Variants in MACROD2 observed in about 807,000 individuals in gnomAD.
MACROD2 encodes mono-ADP ribosylhydrolase 2, also known as ADP-ribose glycohydrolase MACROD2.
Under a neutral mutation model 70.4 loss-of-function variants are expected in MACROD2, and 36 were observed. That is an observed-to-expected ratio of 0.51 (90% CI 0.39 to 0.68). The LOEUF is 0.68. Among genes scored for constraint, MACROD2 ranks in the 30% least tolerant of loss-of-function variants. MACROD2 has a pLI of 0.00. For missense variants in MACROD2, 496 were observed against 538.4 expected (o/e 0.92, Z 0.78); for synonymous variants, 172 against 178.8 (o/e 0.96, Z 0.30).
chr20:14,687,249 C>T (rs1307546504), intron 5 of MACROD2, among the ~76,000 whole-genome samples: 1 of 152,126 alleles, frequency 6.6e-6, no homozygotes, highest in Non-Finnish European at 1.5e-5. Context: ...TATTAAAATA[C>T]AAATCAAATT....
chr20:15,933,358 G>T lies in MACROD2; in HGVS notation c.838+20G>T. On this transcript the variant is annotated intron_variant, in intron 11 of 17. Transcript: ENST00000684519. ...ATGCAGGTAGGCTCAGATTTCTTTT[G>T]AGAAGTCACCTAGGCCTCATCTGCA... 1.2e-6 allele frequency: 2 copies of T among 1,611,210 alleles called. No individual in the cohort carries two copies. Among genetic ancestry groups the T allele is most frequent in the South Asian group, 2.2e-5 (2 of 90,914 alleles).
intron 3 of MACROD2, among the ~76,000 whole-genome samples, chr20:14,178,641 C>T (rs2081282943): frequency 6.6e-6 from 1 of 151,526 alleles, no homozygotes; most frequent in Non-Finnish European, 1.5e-5. Flanking sequence ...GGAAGGCATA[C>T]CTTTTTTGTA....
At chr20:14,426,699 A>G (rs2122914194) in intron 3 of MACROD2, among the ~76,000 whole-genome samples, 2 of 152,278 alleles carry the variant, frequency 1.3e-5, no homozygotes, top group Admixed American at 1.3e-4. Flanking sequence ...CAGATCAGAT[A>G]TCCCAGAGAA....
chr20:14,640,573 G>A (rs1985033998), intron 4 of MACROD2, among the ~76,000 whole-genome samples: 1 of 152,172 alleles, frequency 6.6e-6, no homozygotes, highest in African/African-American at 2.4e-5. Flanking sequence ...ATCTTCATCA[G>A]CCCTTCAATC....
intron 7 of MACROD2, 135 bp downstream of exon 7, chr20:15,431,570 C>T: frequency 1.3e-6 from 1 of 767,576 alleles, no homozygotes; most frequent in Non-Finnish European, 2.2e-6. Flanking sequence ...CTCGTCAAAT[C>T]CCATTAAAGA....
At chr20:15,320,220 A>G (rs773225054) in intron 6 of MACROD2, among the ~76,000 whole-genome samples, 2 of 152,146 alleles carry the variant, frequency 1.3e-5, no homozygotes, top group African/African-American at 2.4e-5. Flanking sequence ...ACAAAACAAA[A>G]CAAAAAACAT....
intron 5 of MACROD2, among the ~76,000 whole-genome samples, chr20:15,077,776 G>A (rs1024409484): frequency 3.3e-5 from 5 of 152,170 alleles, no homozygotes; most frequent in Admixed American, 6.5e-5. Flanking sequence ...CAGCTGACTC[G>A]TCTGTCTTTT....
rs867542227 is a variant in MACROD2 at position 15,989,064 on chromosome 20, A to G, written c.1153+1906A>G. On this transcript the variant is annotated intron_variant, in intron 15 of 17. Transcript: ENST00000684519. ...GATGATGATGGCAAAAGTACCTGTC[A>G]CATATAGTTATGGTGCAAATTTAAT... 2.6e-5 allele frequency among the ~76,000 whole-genome samples: 4 copies of G among 152,306 alleles called. No homozygotes were observed. The South Asian group carries it at 8.3e-4, about 32-fold the overall frequency.
intron 8 of MACROD2, among the ~76,000 whole-genome samples, chr20:15,680,982 C>G (rs1313944582): frequency 6.6e-6 from 1 of 152,200 alleles, no homozygotes; most frequent in African/African-American, 2.4e-5. Flanking sequence ...GTACATTCTG[C>G]TGTCCATTTT....
At chr20:14,590,556 T>G (rs2123375268) in intron 4 of MACROD2, among the ~76,000 whole-genome samples, 1 of 152,258 alleles carries the variant, frequency 6.6e-6, no homozygotes, top group Non-Finnish European at 1.5e-5. Flanking sequence ...AAATCCAGAT[T>G]TATCCATTTT....
At chr20:15,013,029 G>A (rs1469281786) in intron 5 of MACROD2, among the ~76,000 whole-genome samples, 1 of 152,168 alleles carries the variant, frequency 6.6e-6, no homozygotes. Flanking sequence ...AGCAAGAGAA[G>A]AAAAAGTATG....
chr20:14,591,175 T>C (rs908796015), intron 4 of MACROD2, among the ~76,000 whole-genome samples: 2 of 152,150 alleles, frequency 1.3e-5, no homozygotes, highest in African/African-American at 4.8e-5. Context: ...AGAGGAAAAT[T>C]TTTTGGGCTA....
intron 3 of MACROD2, among the ~76,000 whole-genome samples, chr20:14,388,913 T>C (rs2083495980): frequency 6.6e-6 from 1 of 152,100 alleles, no homozygotes; most frequent in Non-Finnish European, 1.5e-5. Flanking sequence ...AGTCTCATTC[T>C]ATTGCCCAGG....
At chr20:15,936,671 G>GTGTATATATATATATATATA (rs1555797416) in intron 11 of MACROD2, among the ~76,000 whole-genome samples, 30 of 143,294 alleles carry the variant, frequency 2.1e-4, no homozygotes, top group African/African-American at 7.3e-4. Context: ...GTATATGTGT[G>GTGTATATATATATATATATA]TATATATATA....
chr20:14,436,329 A>G (rs78587702), intron 3 of MACROD2, among the ~76,000 whole-genome samples: 1,797 of 152,328 alleles, frequency 0.012, 31 homozygotes, highest in African/African-American at 0.041. Context: ...ATTAAAATAA[A>G]TATAAACAAT....
chr20:15,753,877 TAATA>T (rs1053131778), intron 8 of MACROD2, among the ~76,000 whole-genome samples: 34 of 152,180 alleles, frequency 2.2e-4, no homozygotes, highest in African/African-American at 8.2e-4. Flanking sequence ...AAGGAATTTG[TAATA>T]AATAAACACT....
At chr20:14,521,294 G>T (rs950613151) in intron 4 of MACROD2, among the ~76,000 whole-genome samples, 8 of 151,996 alleles carry the variant, frequency 5.3e-5, no homozygotes, top group South Asian at 2.1e-4. Flanking sequence ...TTCCCCTTAG[G>T]TTGCTTATCA....
At chr20:14,729,954 TA>T (rs904068388) in intron 5 of MACROD2, among the ~76,000 whole-genome samples, 4 of 151,992 alleles carry the variant, frequency 2.6e-5, no homozygotes, top group African/African-American at 4.8e-5. Flanking sequence ...TGAGAGACTA[TA>T]AAAAATTATT....
intron 5 of MACROD2, among the ~76,000 whole-genome samples, chr20:14,851,584 G>A (rs2073199833): frequency 6.6e-6 from 1 of 152,056 alleles, no homozygotes; most frequent in Non-Finnish European, 1.5e-5. Flanking sequence ...ACACAATACT[G>A]TCTTAGGAGC....
Sources: allele counts gnomAD v4.1 joint callset (sites outside exome capture counted in the v4.1 genomes callset), GRCh38; gene constraint gnomAD v4.1.1; transcripts MANE v1.5; gene names NCBI Gene and HGNC (gene_info 2026-07-23, HGNC 2026-07-21).